The following ZNF469 variants were observed in gnomAD, a reference collection of about 807,000 sequenced individuals.
ZNF469 encodes zinc finger protein 469.
ZNF469 carries 1 observed loss-of-function variant against 1.0 expected under a neutral mutation model. The observed-to-expected ratio is 1.00, with a 90% CI of 0.35 to 4.73. ZNF469 has a LOEUF of 4.73. Ranked by LOEUF, ZNF469 falls within the 30% of genes most tolerant of loss-of-function variation. The pLI, the probability that ZNF469 is intolerant of heterozygous loss-of-function variation, is 0.16. For missense variants in ZNF469, 6,100 were observed against 5,356.3 expected (o/e 1.14, Z -4.33); for synonymous variants, 2,703 against 2,363.4 (o/e 1.14, Z -4.17).
At chr16:88,260,428 G>C in the ZNF469 span, among the ~76,000 whole-genome samples, 2 of 152,196 alleles carry the variant, frequency 1.3e-5, no homozygotes, top group Non-Finnish European at 2.9e-5. The surrounding 1 kb of genome is among the most constrained non-coding windows in gnomAD (Gnocchi z 4.1). Flanking sequence ...TTGCATCTCC[G>C]GCCGTCAGTC....
At chr16:88,267,573 C>T in the ZNF469 span, among the ~76,000 whole-genome samples, 8 of 152,132 alleles carry the variant, frequency 5.3e-5, no homozygotes, top group African/African-American at 1.7e-4. Flanking sequence ...GAGTCCCTTT[C>T]GGTTCCAAAT....
the ZNF469 span, among the ~76,000 whole-genome samples, chr16:88,183,112 G>A: frequency 1.3e-5 from 2 of 152,228 alleles, no homozygotes; most frequent in African/African-American, 4.8e-5. Flanking sequence ...TACCTAAGAT[G>A]TTTAACATCA....
At chr16:88,272,708 G>A in the ZNF469 span, among the ~76,000 whole-genome samples, 1 of 150,084 alleles carries the variant, frequency 6.7e-6, no homozygotes. Flanking sequence ...ATGGATGAAC[G>A]GGTGGGTGTA....
chr16:88,181,540 T>G, the ZNF469 span, among the ~76,000 whole-genome samples: 1 of 152,142 alleles, frequency 6.6e-6, no homozygotes, highest in African/African-American at 2.4e-5. Flanking sequence ...ATTTGGAAGT[T>G]AAAGAACATA....
At chr16:88,196,681 C>A in the ZNF469 span, among the ~76,000 whole-genome samples, 31,292 of 152,140 alleles carry the variant, frequency 0.21, 3,623 homozygotes, top group South Asian at 0.32. Context: ...CCTTGCTCTG[C>A]CCAAATTGTC....
At chr16:88,309,356 G>A in the ZNF469 span, among the ~76,000 whole-genome samples, 894 of 152,292 alleles carry the variant, frequency 5.9e-3, 4 homozygotes, top group Middle Eastern at 0.044. Context: ...GACACCTGAC[G>A]GGGGGAGTGC....
the ZNF469 span, among the ~76,000 whole-genome samples, chr16:88,264,964 C>T: frequency 2.0e-5 from 3 of 152,226 alleles, no homozygotes; most frequent in Admixed American, 1.3e-4. Flanking sequence ...GGGCTGACTG[C>T]GGTTCTGTGC....
upstream of ZNF469, among the ~76,000 whole-genome samples, chr16:88,380,484 TGC>T (rs2092518943): frequency 1.2e-5 from 1 of 83,460 alleles, no homozygotes; most frequent in South Asian, 4.4e-4. Context: ...CACACATACG[TGC>T]ACACACACAT....
intron 1 of ZNF469, among the ~76,000 whole-genome samples, chr16:88,385,488 A>G (rs551981556): frequency 1.3e-5 from 2 of 152,078 alleles, no homozygotes; most frequent in East Asian, 3.9e-4. Flanking sequence ...AAAAAATTGA[A>G]GTAAGTTAGC....
the ZNF469 span, among the ~76,000 whole-genome samples, chr16:88,352,903 G>T: frequency 6.6e-6 from 1 of 152,216 alleles, no homozygotes; most frequent in African/African-American, 2.4e-5. Context: ...CTCCTCCTGG[G>T]TCCCCTCCGT....
chr16:88,163,612 AGATGGATGGATG>A, the ZNF469 span, among the ~76,000 whole-genome samples: 592 of 129,790 alleles, frequency 4.6e-3, 3 homozygotes, highest in African/African-American at 0.015. Context: ...GTGCATTGGT[AGATGGATGGATG>A]GATGGATGGA....
the ZNF469 span, among the ~76,000 whole-genome samples, chr16:88,317,466 C>T: frequency 3.9e-4 from 59 of 152,322 alleles, no homozygotes; most frequent in Middle Eastern, 3.4e-3. Context: ...AAGAGTTTCG[C>T]ATCCTCTGAA....
chr16:88,390,489 C>G (rs1321418133), intron 1 of ZNF469, among the ~76,000 whole-genome samples: 1 of 152,238 alleles, frequency 6.6e-6, no homozygotes, highest in African/African-American at 2.4e-5. Flanking sequence ...GCCTGGGAAC[C>G]CCCACTGCTC....
At position 88,430,036 on chromosome 16, in the gene ZNF469, G is replaced by A; in HGVS notation, c.2566G>A (p.Asp856Asn). The A allele has an allele frequency of 6.4e-7, 1 of 1,550,392 alleles. No individual in the cohort carries two copies. Among genetic ancestry groups the A allele is most frequent in the Non-Finnish European group, 8.7e-7 (1 of 1,146,982 alleles). The stretch of plus-strand genomic sequence containing the variant: ...GCTCAACGGCATGGAGTACCAGTCG[G>A]ACAACCCGGAGATCGACAGCAGCTT... ...EALNGMEYQS[D>N]NPEIDSSFID... is the part of the protein sequence containing the mutation. The change falls in exon 3 of 3, where the codon GAC becomes AAC. Residue 856 changes from aspartate (D) to asparagine (N), a missense_variant. Transcript: ENST00000565624.
the ZNF469 span, among the ~76,000 whole-genome samples, chr16:88,329,559 T>C: frequency 6.6e-6 from 1 of 152,136 alleles, no homozygotes; most frequent in African/African-American, 2.4e-5. Context: ...GGGGCTCCCT[T>C]CTCAGAGGCG....
the ZNF469 span, among the ~76,000 whole-genome samples, chr16:88,354,387 G>T: frequency 6.6e-6 from 1 of 152,176 alleles, no homozygotes; most frequent in Non-Finnish European, 1.5e-5. Context: ...AACCCGGGAC[G>T]CAGGCGGCGG....
At chr16:88,156,449 T>C in the ZNF469 span, among the ~76,000 whole-genome samples, 3 of 152,226 alleles carry the variant, frequency 2.0e-5, no homozygotes, top group South Asian at 2.1e-4. Flanking sequence ...CTATTGCACA[T>C]GGATATCCAG....
rs1906648237 is a variant in ZNF469 at position 88,437,203 on chromosome 16, G to A, written c.9733G>A (p.Ala3245Thr). The A allele has an allele frequency of 3.2e-6, 5 of 1,549,354 alleles. No individual in the cohort carries two copies. Among genetic ancestry groups the A allele is most frequent in the African/African-American group, 1.4e-5 (1 of 73,028 alleles). The stretch of plus-strand genomic sequence containing the variant: ...CAAACACCACAGGGGCAAGCGCTCC[G>A]CCGGCAAGGCCGCCGGGAGCCCGGG... ...APKHHRGKRS[A>T]GKAAGSPGDP... The change falls in exon 3 of 3, where the codon GCC (alanine) becomes ACC (threonine). Residue 3245 changes from alanine to threonine, a missense_variant. Coordinates refer to ENST00000565624, the MANE Select transcript of ZNF469 (RefSeq NM_001367624.2).
the ZNF469 span, among the ~76,000 whole-genome samples, chr16:88,138,048 G>C: frequency 2.0e-5 from 3 of 152,166 alleles, no homozygotes; most frequent in Admixed American, 2.0e-4. Flanking sequence ...GTCCAAGGGA[G>C]TGCCCATCTC....
Sources: allele counts gnomAD v4.1 joint callset (sites outside exome capture counted in the v4.1 genomes callset), GRCh38; gene constraint gnomAD v4.1.1; non-coding constraint Gnocchi (gnomAD v3.1); transcripts MANE v1.5; gene names NCBI Gene and HGNC (gene_info 2026-07-23, HGNC 2026-07-21).